JAKMIP3: variants seen among roughly 807,000 people sequenced by gnomAD.
JAKMIP3 encodes Janus kinase and microtubule interacting protein 3.
In JAKMIP3, 58 loss-of-function variants were observed where a neutral mutation model predicts 118.5. That is an observed-to-expected ratio of 0.49 (90% CI 0.40 to 0.61). The LOEUF is 0.61. Ranked by LOEUF, JAKMIP3 falls within the 20% of genes least tolerant of loss-of-function variation. JAKMIP3 has a pLI of 0.00. For missense variants in JAKMIP3, 950 were observed against 1,109.0 expected (o/e 0.86, Z 2.04); for synonymous variants, 486 against 451.2 (o/e 1.08, Z -0.98).
At position 132,135,597 on chromosome 10, in the gene JAKMIP3, C is replaced by G. The variant is rs191287198; in HGVS notation, c.970-333C>G. On this transcript the variant is annotated intron_variant, in intron 5 of 23. Coordinates refer to ENST00000684848, the MANE Select transcript of JAKMIP3 (RefSeq NM_001323087.2). Reference sequence around the variant, plus strand: ...TTCTTGGCAAGACAAAGCGCTGGCCCCAGACTGCTGGTCTTCATCTTCATC... The same window carrying G: ...TTCTTGGCAAGACAAAGCGCTGGCCGCAGACTGCTGGTCTTCATCTTCATC... 1.7e-3 allele frequency among the ~76,000 whole-genome samples: 260 copies of G among 152,356 alleles called. 1 individual carries two copies. Among genetic ancestry groups the G allele is most frequent in the African/African-American group, 6.2e-3 (256 of 41,588 alleles).
At chr10:132,127,372 G>A (rs889009578) in intron 3 of JAKMIP3, among the ~76,000 whole-genome samples, 2 of 150,728 alleles carry the variant, frequency 1.3e-5, no homozygotes, top group Admixed American at 6.6e-5. Flanking sequence ...ACAGGTGTGC[G>A]CCACCATGCC....
chr10:132,105,694 C>A (rs966637323), intron 2 of JAKMIP3, among the ~76,000 whole-genome samples: 1 of 152,170 alleles, frequency 6.6e-6, no homozygotes, highest in African/African-American at 2.4e-5. Flanking sequence ...GAAGTGTGCC[C>A]AGGTTCCTGG....
At chr10:132,166,249 C>T (rs550164324) in intron 21 of JAKMIP3, among the ~76,000 whole-genome samples, 53 of 152,222 alleles carry the variant, frequency 3.5e-4, no homozygotes, top group African/African-American at 1.3e-3. Flanking sequence ...TCACCTGAGC[C>T]TGGGAGGTTG....
intron 1 of JAKMIP3, among the ~76,000 whole-genome samples, chr10:132,054,027 G>A (rs1439800965): frequency 3.3e-5 from 4 of 122,374 alleles, no homozygotes; most frequent in African/African-American, 1.3e-4. Context: ...GTGACAGAGT[G>A]AGACTCTGTC....
chr10:132,144,160 C>T (rs1041009471), intron 11 of JAKMIP3: 1 of 152,174 alleles, frequency 6.6e-6, no homozygotes, highest in African/African-American at 2.4e-5. Flanking sequence ...GGTTCGGAGC[C>T]ACCACAGCAA....
At chr10:132,084,949 T>C (rs970360443) in intron 1 of JAKMIP3, among the ~76,000 whole-genome samples, 2 of 152,364 alleles carry the variant, frequency 1.3e-5, no homozygotes, top group South Asian at 4.1e-4. Context: ...GGACTATCTT[T>C]TCGATATGTT....
At chr10:132,105,864 ATC>A (rs2045821473) in intron 2 of JAKMIP3, among the ~76,000 whole-genome samples, 1 of 119,470 alleles carries the variant, frequency 8.4e-6, no homozygotes, top group Admixed American at 7.6e-5. Context: ...TTTCTTGCCC[ATC>A]AAAGGCATCT....
rs1383950156 is a variant in JAKMIP3 at position 132,153,810 on chromosome 10, G to T, written c.2125G>T (p.Asp709Tyr). The T allele has an allele frequency of 1.9e-6, 3 of 1,613,000 alleles. No individual in the cohort carries two copies. Among genetic ancestry groups the T allele is most frequent in the South Asian group, 1.1e-5 (1 of 91,070 alleles). Residue 709 changes from aspartate to tyrosine, a missense_variant, in exon 18 of 24, where the codon GAT becomes TAT. By Grantham distance (160) the Asp-to-Tyr change is radical. Coordinates refer to ENST00000684848, the MANE Select transcript of JAKMIP3 (RefSeq NM_001323087.2). ...TEAALQRKMV[D>Y]LESEKELFSK... is the part of the protein sequence containing the mutation. Reference sequence around the variant, plus strand: ...GGCGGCGCTGCAGCGGAAGATGGTGGATCTGGAGAGCGAGAAGGTTGGTGG... The same window carrying T: ...GGCGGCGCTGCAGCGGAAGATGGTGTATCTGGAGAGCGAGAAGGTTGGTGG...
intron 2 of JAKMIP3, among the ~76,000 whole-genome samples, chr10:132,113,372 C>T (rs896587041): frequency 5.9e-5 from 9 of 152,236 alleles, no homozygotes; most frequent in African/African-American, 2.2e-4. Flanking sequence ...CCCTGAGATG[C>T]TGCCAGGCTT....
intron 10 of JAKMIP3, 113 bp from the exon 11 acceptor site, chr10:132,141,807 C>G: frequency 8.1e-7 from 1 of 1,229,504 alleles, no homozygotes; most frequent in Non-Finnish European, 1.1e-6. Context: ...GAGACCCCCC[C>G]ATACACCATT....
chr10:132,090,388 G>A (rs1299736458), intron 1 of JAKMIP3, among the ~76,000 whole-genome samples: 1 of 152,080 alleles, frequency 6.6e-6, no homozygotes, highest in East Asian at 1.9e-4. Context: ...CAATTTCAGA[G>A]CCTGTTATTG....
Position 132,104,706 on chromosome 10 carries a change from G to T in JAKMIP3, c.-103G>T, listed in dbSNP as rs1307578201. ...AAGATGTAGTGTGACAGCAGCCCGGGTGACACCTGCTGGGAGCTTGGCGTG... is the reference window on the plus strand; with the variant it reads ...AAGATGTAGTGTGACAGCAGCCCGGTTGACACCTGCTGGGAGCTTGGCGTG... On this transcript the variant is annotated 5_prime_UTR_variant, in exon 2 of 24. Transcript: ENST00000684848. The T allele has an allele frequency of 1.7e-5, 20 of 1,208,746 alleles. No individual in the cohort carries two copies. Among genetic ancestry groups the T allele is most frequent in the East Asian group, 7.7e-5 (3 of 38,942 alleles). The allele number at this position is 1,208,746 out of a possible 1,614,324, so 74.9% of individuals were successfully genotyped here.
rs2038039846 is a variant in JAKMIP3 at position 132,049,564 on chromosome 10, C to CACACATTT, written c.-138+12826_-138+12827insACACATTT. Among the ~76,000 whole-genome samples the CACACATTT allele has an allele frequency of 6.6e-6, 1 of 151,872 alleles. No individual in the cohort carries two copies. Among genetic ancestry groups the CACACATTT allele is most frequent in the Admixed American group, 6.6e-5 (1 of 15,244 alleles). On this transcript the variant is annotated intron_variant, in intron 1 of 23. Coordinates refer to the JAKMIP3 transcript ENST00000657785. This position sits in a 1 kb window ranked among gnomAD's most constrained non-coding sequence, Gnocchi z 4.3. ...TTTTTTGCCCTAAGCTGTTGAATTC[C>CACACATTT]TAAATCGGGGTGTTTTTCCATATCC...
At chr10:132,164,604 T>A (rs1186159975) in intron 20 of JAKMIP3, 66 bp from the exon 21 acceptor site, 1 of 1,055,412 alleles carries the variant, frequency 9.5e-7, no homozygotes, top group Non-Finnish European at 1.5e-6. Context: ...TGAATGAAAA[T>A]CTTGAAGGAT....
chr10:132,140,318 C>A, intron 9 of JAKMIP3, 133 bp from the exon 10 acceptor site: 1 of 1,305,868 alleles, frequency 7.7e-7, no homozygotes, highest in Non-Finnish European at 1.1e-6. Flanking sequence ...TCGGCCTGTG[C>A]CAGGGACAGA....
intron 1 of JAKMIP3, among the ~76,000 whole-genome samples, chr10:132,100,820 T>G (rs986092208): frequency 5.7e-4 from 72 of 125,992 alleles, no homozygotes; most frequent in South Asian, 1.9e-3. Context: ...CCATTCTCTC[T>G]GCATGAGGAA....
chr10:132,062,466 A>G (rs1331096692), upstream of JAKMIP3, among the ~76,000 whole-genome samples: 3 of 152,230 alleles, frequency 2.0e-5, no homozygotes, highest in Non-Finnish European at 2.9e-5. Flanking sequence ...ACTCCCCGTC[A>G]GCCAGGAGGA....
chr10:132,111,010 C>A (rs1294195063), intron 2 of JAKMIP3, among the ~76,000 whole-genome samples: 1 of 152,240 alleles, frequency 6.6e-6, no homozygotes. Flanking sequence ...GGCCACTGCC[C>A]GCCCTCCTGC....
intron 23 of JAKMIP3, chr10:132,181,222 A>G (rs1048416309): frequency 6.6e-6 from 1 of 152,254 alleles, no homozygotes; most frequent in Non-Finnish European, 1.5e-5. Context: ...CAGGAAACCA[A>G]ATGCTCTGGT....
Sources: gnomAD v4.1 joint callset for allele counts (sites outside exome capture counted in the v4.1 genomes callset) on GRCh38, gnomAD v4.1.1 for gene constraint, Gnocchi (gnomAD v3.1) non-coding constraint, MANE v1.5 for transcripts, NCBI Gene and HGNC (gene_info 2026-07-23, HGNC 2026-07-21) for gene names.